GMDS: variants seen among roughly 807,000 people sequenced by gnomAD.
The protein encoded by GMDS is GDP-mannose 4,6-dehydratase.
GMDS carries 20 observed loss-of-function variants against 49.9 expected under a neutral mutation model. The ratio of observed to expected loss-of-function variants is 0.40; its 90% CI spans 0.28 to 0.58. The LOEUF is 0.58. GMDS is among the 20% of genes least tolerant of loss of function. The pLI is 0.42. For synonymous variants in GMDS, 177 were observed against 178.6 expected, an observed-to-expected ratio of 0.99 and a Z score of 0.07; for missense variants, 362 against 481.4, an observed-to-expected ratio of 0.75 and a Z score of 2.32.
intron 4 of GMDS, among the ~76,000 whole-genome samples, chr6:1,994,927 G>GA (rs1313927596): frequency 6.6e-6 from 1 of 152,156 alleles, no homozygotes; most frequent in African/African-American, 2.4e-5. Flanking sequence ...CTAGGAAACA[G>GA]AAAAGGGAAC....
chr6:2,065,527 A>T (rs1771516166), intron 4 of GMDS, among the ~76,000 whole-genome samples: 1 of 152,198 alleles, frequency 6.6e-6, no homozygotes, highest in Non-Finnish European at 1.5e-5. Flanking sequence ...TTTGAAAAAA[A>T]TTTAGAAGAA....
In GMDS at chr6:1,644,930, C is replaced by CT. The variant is rs754544147; in HGVS notation, c.988-20391dup. ...TCAGGATGAGATTCAGACTCTGGTCCTTTTTTTTTTTTTTTTTTTAAACGA... is the reference window on the plus strand; with the variant it reads ...TCAGGATGAGATTCAGACTCTGGTCCTTTTTTTTTTTTTTTTTTTTAAACGA... On this transcript the variant is annotated intron_variant, in intron 9 of 10. Coordinates refer to ENST00000380815, the MANE Select transcript of GMDS (RefSeq NM_001500.4). Among the ~76,000 whole-genome samples, 918 of 136,242 alleles carry CT rather than the reference C, an allele frequency of 6.7e-3. 10 individuals are homozygous for CT. The highest frequency in any genetic ancestry group is 0.021 in the African/African-American group (763 of 36,848). 89.4% of individuals were successfully genotyped at this position (136,242 alleles called of 152,430 possible). A position where few individuals can be genotyped will look rare whatever the true frequency, so the allele number is the denominator to read the frequency against.
chr6:1,942,060 A>T (rs952593042), intron 6 of GMDS, among the ~76,000 whole-genome samples: 2 of 152,150 alleles, frequency 1.3e-5, no homozygotes, highest in Non-Finnish European at 2.9e-5. Context: ...CTGCCTGGTC[A>T]TGATGACCTG....
chr6:2,070,031 A>G (rs373699592), intron 4 of GMDS, among the ~76,000 whole-genome samples: 1 of 151,416 alleles, frequency 6.6e-6, no homozygotes, highest in Admixed American at 6.6e-5. Flanking sequence ...ATGTCCAACA[A>G]TGATAGACTG....
chr6:2,118,351 A>G (rs1180211301), intron 2 of GMDS, among the ~76,000 whole-genome samples: 1 of 152,196 alleles, frequency 6.6e-6, no homozygotes, highest in African/African-American at 2.4e-5. Context: ...CAATGCTAAC[A>G]CCAGCTTGTC....
At chr6:1,961,765 C>T (rs1437442249) in intron 4 of GMDS, among the ~76,000 whole-genome samples, 2 of 152,226 alleles carry the variant, frequency 1.3e-5, no homozygotes, top group African/African-American at 4.8e-5. Flanking sequence ...CAGGCTTCCC[C>T]TGCTGCCTCG....
At chr6:1,822,128 T>C (rs970764616) in intron 7 of GMDS, among the ~76,000 whole-genome samples, 3 of 152,244 alleles carry the variant, frequency 2.0e-5, no homozygotes, top group East Asian at 1.9e-4. Flanking sequence ...TCTTGTTCAC[T>C]GAGTCCTGCA....
At chr6:1,803,162 G>GT (rs1452303135) in intron 7 of GMDS, among the ~76,000 whole-genome samples, 1 of 152,192 alleles carries the variant, frequency 6.6e-6, no homozygotes, top group East Asian at 1.9e-4. Context: ...CATCGGCACT[G>GT]TATGTTTGAG....
intron 4 of GMDS, among the ~76,000 whole-genome samples, chr6:2,100,477 A>G (rs975991746): frequency 3.3e-5 from 5 of 152,088 alleles, no homozygotes; most frequent in African/African-American, 1.2e-4. Flanking sequence ...AGATACCTCT[A>G]TATGCAACCA....
At chr6:1,693,695 G>A (rs1472235545) in intron 9 of GMDS, among the ~76,000 whole-genome samples, 3 of 152,090 alleles carry the variant, frequency 2.0e-5, no homozygotes, top group African/African-American at 7.2e-5. Flanking sequence ...CACTCAATGC[G>A]GCCATCAACT....
intron 4 of GMDS, among the ~76,000 whole-genome samples, chr6:2,091,720 G>A (rs554128944): frequency 6.6e-6 from 1 of 152,176 alleles, no homozygotes; most frequent in East Asian, 1.9e-4. Flanking sequence ...AACCAGCCTG[G>A]ACATCTCTGC....
At chr6:2,235,353 T>A (rs1781308598) in intron 1 of GMDS, among the ~76,000 whole-genome samples, 1 of 152,188 alleles carries the variant, frequency 6.6e-6, no homozygotes, top group Admixed American at 6.5e-5. Flanking sequence ...ATACTTCCCA[T>A]GCCTATACAT....
intron 1 of GMDS, among the ~76,000 whole-genome samples, chr6:2,140,153 C>T (rs1776215124): frequency 6.6e-6 from 1 of 152,166 alleles, no homozygotes; most frequent in African/African-American, 2.4e-5. Context: ...AAGGACCTTG[C>T]GTTGGGGAGA....
intron 4 of GMDS, among the ~76,000 whole-genome samples, chr6:2,070,115 G>T (rs1434198052): frequency 1.3e-5 from 2 of 151,598 alleles, no homozygotes; most frequent in East Asian, 3.9e-4. Flanking sequence ...CATGTCCTTT[G>T]TAGGGACATG....
At chr6:1,656,625 G>C (rs772995645) in intron 9 of GMDS, among the ~76,000 whole-genome samples, 9 of 152,094 alleles carry the variant, frequency 5.9e-5, no homozygotes, top group Non-Finnish European at 1.3e-4. Flanking sequence ...TTAGCTGGGT[G>C]TGGTGGTGTG....
intron 9 of GMDS, among the ~76,000 whole-genome samples, chr6:1,629,256 C>T (rs553511264): frequency 2.6e-5 from 4 of 152,190 alleles, no homozygotes; most frequent in African/African-American, 7.2e-5. Context: ...AGCGAATGTC[C>T]GAGCAGTAAG....
chr6:1,951,242 A>G (rs1763327191), intron 6 of GMDS, among the ~76,000 whole-genome samples: 1 of 152,260 alleles, frequency 6.6e-6, no homozygotes, highest in Non-Finnish European at 1.5e-5. Context: ...AGATTAATTT[A>G]TAAAGATAAA....
At chr6:2,202,330 C>T (rs893401292) in intron 1 of GMDS, among the ~76,000 whole-genome samples, 3 of 151,174 alleles carry the variant, frequency 2.0e-5, no homozygotes, top group Non-Finnish European at 2.9e-5. Context: ...AGACAGAACA[C>T]CACATGCACA....
At position 2,185,037 on chromosome 6, in the gene GMDS, G is replaced by C. The variant is rs148964158; in HGVS notation, c.102+60284C>G. 2.6e-3 allele frequency among the ~76,000 whole-genome samples: 395 copies of C among 152,290 alleles called. 1 individual carries two copies. The highest frequency in any genetic ancestry group is 9.2e-3 in the African/African-American group (382 of 41,560). ...AGATCCCTGCACTCACAGGGCTCACGTTCTATGGTGGAGGCCCAGGGAGGA... is the reference window on the plus strand; with the variant it reads ...AGATCCCTGCACTCACAGGGCTCACCTTCTATGGTGGAGGCCCAGGGAGGA... On this transcript the variant is annotated intron_variant, in intron 1 of 10. Coordinates refer to ENST00000380815, the MANE Select transcript of GMDS (RefSeq NM_001500.4).
Sources: gnomAD v4.1 joint callset for allele counts (sites outside exome capture counted in the v4.1 genomes callset) on GRCh38, gnomAD v4.1.1 for gene constraint, MANE v1.5 for transcripts, NCBI Gene and HGNC (gene_info 2026-07-23, HGNC 2026-07-21) for gene names.